Variants in MOB3B observed in about 807,000 individuals in gnomAD.
MOB3B encodes MOB kinase activator-like 2B.
A neutral mutation model predicts 18.7 loss-of-function variants in MOB3B; 7 were observed. The ratio of observed to expected loss-of-function variants is 0.37; its 90% CI spans 0.21 to 0.70. The LOEUF (loss-of-function observed/expected upper bound fraction) is 0.70, where lower values mean the gene tolerates loss of function less well. MOB3B is among the 30% of genes least tolerant of loss of function. The probability of loss-of-function intolerance (pLI) is 0.52; values close to 1 mark genes in which losing one functional copy is unlikely to be tolerated. For missense variants in MOB3B, 253 were observed against 281.3 expected, an observed-to-expected ratio of 0.90 and a Z score of 0.72; for synonymous variants, 111 against 99.9, an observed-to-expected ratio of 1.11 and a Z score of -0.66.
At chr9:27,413,140 G>A (rs1157159196) in intron 2 of MOB3B, among the ~76,000 whole-genome samples, 1 of 152,210 alleles carries the variant, frequency 6.6e-6, no homozygotes, top group Non-Finnish European at 1.5e-5. Context: ...GGAGAAGAAG[G>A]AAGTTGAGGA....
chr9:27,492,101 A>C (rs1233695368), intron 1 of MOB3B, among the ~76,000 whole-genome samples: 1 of 152,172 alleles, frequency 6.6e-6, no homozygotes, highest in African/African-American at 2.4e-5. Flanking sequence ...ACATCTTAAG[A>C]GCAAATTGCA....
At chr9:27,355,008 A>C (rs1821165695) in intron 3 of MOB3B, among the ~76,000 whole-genome samples, 1 of 152,200 alleles carries the variant, frequency 6.6e-6, no homozygotes, top group Non-Finnish European at 1.5e-5. Context: ...CATGCTATGG[A>C]TGAGGAAAAT....
At chr9:27,519,446 G>A (rs560781443) in intron 1 of MOB3B, among the ~76,000 whole-genome samples, 1 of 152,244 alleles carries the variant, frequency 6.6e-6, no homozygotes, top group East Asian at 1.9e-4. Flanking sequence ...TTATAATCCT[G>A]TATTGCCAAT....
chr9:27,426,481 A>G (rs748914105), intron 2 of MOB3B, among the ~76,000 whole-genome samples: 2 of 152,210 alleles, frequency 1.3e-5, no homozygotes, highest in Non-Finnish European at 2.9e-5. Context: ...ACAGAGGTCC[A>G]GGCAGGTGAC....
chr9:27,498,157 G>C (rs1472074620), intron 1 of MOB3B, among the ~76,000 whole-genome samples: 2 of 152,264 alleles, frequency 1.3e-5, no homozygotes, highest in African/African-American at 4.8e-5. Flanking sequence ...GGTGCGTGTA[G>C]CCTCTATGGT....
intron 2 of MOB3B, among the ~76,000 whole-genome samples, chr9:27,409,241 C>G (rs1163483655): frequency 6.6e-6 from 1 of 152,336 alleles, no homozygotes; most frequent in East Asian, 1.9e-4. Context: ...GCCTAAAGCT[C>G]CTTCCCTTGT....
intron 2 of MOB3B, 48 bp downstream of exon 2, chr9:27,455,085 G>A: frequency 1.2e-6 from 2 of 1,606,154 alleles, no homozygotes; most frequent in Non-Finnish European, 1.7e-6. Context: ...TTTTCATAGT[G>A]AAGATTGTGC....
At chr9:27,378,744 A>C (rs1314593946) in intron 2 of MOB3B, 1 of 462,862 alleles carries the variant, frequency 2.2e-6, no homozygotes, top group South Asian at 1.6e-5. Context: ...ATGTGACCAA[A>C]GTGATAAAGG....
chr9:27,385,964 C>T lies in MOB3B; in HGVS notation c.419-26728G>A, dbSNP rs116690638. 2.6e-3 allele frequency among the ~76,000 whole-genome samples: 400 copies of T among 152,344 alleles called. 2 individuals carry two copies. The highest frequency in any genetic ancestry group is 8.9e-3 in the African/African-American group (371 of 41,574). On this transcript the variant is annotated intron_variant, in intron 2 of 3. Transcript: ENST00000262244. ...ATGAAGAAGATTCGCTGACACTTTG[C>T]CCTCAGACATGTCTAGGGAGATCTG...
At chr9:27,471,005 A>T (rs1308609136) in intron 1 of MOB3B, among the ~76,000 whole-genome samples, 4 of 151,610 alleles carry the variant, frequency 2.6e-5, no homozygotes, top group African/African-American at 9.7e-5. Context: ...ACCCCTTCTC[A>T]CCCTGAACCA....
At chr9:27,360,483 C>T (rs1341517245) in intron 2 of MOB3B, among the ~76,000 whole-genome samples, 4 of 152,294 alleles carry the variant, frequency 2.6e-5, no homozygotes, top group East Asian at 1.9e-4. Context: ...CCAGCCTTGG[C>T]GACAGAGTGA....
chr9:27,330,531 G>T lies in MOB3B; in HGVS notation c.*56C>A. ...AGCCAGGGTGGTCCACCTCCTGCCC[G>T]CTCAGGGCACCAGGAGGAAACAGCT... is the stretch of plus-strand genomic sequence containing the variant. On this transcript the variant is annotated 3_prime_UTR_variant, in exon 4 of 4. Coordinates refer to ENST00000262244, the MANE Select transcript of MOB3B (RefSeq NM_024761.5). 3.1e-6 allele frequency: 5 copies of T among 1,611,704 alleles called. No individual in the cohort carries two copies. Among genetic ancestry groups the T allele is most frequent in the Non-Finnish European group, 4.2e-6 (5 of 1,178,728 alleles).
In MOB3B at chr9:27,335,831, C is replaced by T. The variant is rs114969474; in HGVS notation, c.622-5215G>A. On this transcript the variant is annotated intron_variant, in intron 3 of 3. Coordinates refer to ENST00000262244, the MANE Select transcript of MOB3B (RefSeq NM_024761.5). ...CAGATTCCCTCAGTGCCCATGACACCTTTCACACTGTTGTGCGACCGTTTA... is the reference window on the plus strand; with the variant it reads ...CAGATTCCCTCAGTGCCCATGACACTTTTCACACTGTTGTGCGACCGTTTA... Among the ~76,000 whole-genome samples, 425 of 152,330 alleles carry T rather than the reference C, an allele frequency of 2.8e-3. 2 individuals carry two copies. The highest frequency in any genetic ancestry group is 9.8e-3 in the African/African-American group (406 of 41,566).
At chr9:27,453,560 C>T (rs1822825419) in intron 2 of MOB3B, among the ~76,000 whole-genome samples, 2 of 152,266 alleles carry the variant, frequency 1.3e-5, no homozygotes, top group East Asian at 1.9e-4. Flanking sequence ...TCCAGCCAGA[C>T]AGCCAGAAAC....
chr9:27,519,924 A>G (rs1299825897), intron 1 of MOB3B, among the ~76,000 whole-genome samples: 1 of 151,972 alleles, frequency 6.6e-6, no homozygotes, highest in Non-Finnish European at 1.5e-5. Context: ...AAATAGCTGC[A>G]CACAACCTTG....
intron 2 of MOB3B, among the ~76,000 whole-genome samples, chr9:27,442,391 T>C (rs924995999): frequency 6.6e-6 from 1 of 152,234 alleles, no homozygotes; most frequent in Non-Finnish European, 1.5e-5. Flanking sequence ...CATTATGTCA[T>C]ATATTTATTT....
chr9:27,496,526 G>A (rs1360289391), intron 1 of MOB3B, among the ~76,000 whole-genome samples: 5 of 152,176 alleles, frequency 3.3e-5, no homozygotes, highest in Non-Finnish European at 5.9e-5. Flanking sequence ...ACATGTAAAA[G>A]TTTAGTTCTA....
intron 1 of MOB3B, among the ~76,000 whole-genome samples, chr9:27,487,657 A>C (rs1819751466): frequency 6.6e-6 from 1 of 152,064 alleles, no homozygotes; most frequent in African/African-American, 2.4e-5. Context: ...GTAGCTTTCT[A>C]TTCTAAGCTG....
intron 1 of MOB3B, among the ~76,000 whole-genome samples, chr9:27,517,977 C>G (rs1820264769): frequency 6.6e-6 from 1 of 152,106 alleles, no homozygotes; most frequent in African/African-American, 2.4e-5. Flanking sequence ...CTTAGTCCAC[C>G]CCCTTGCTCT....
Sources: gnomAD v4.1 joint callset for allele counts (sites outside exome capture counted in the v4.1 genomes callset) on GRCh38, gnomAD v4.1.1 for gene constraint, MANE v1.5 for transcripts, NCBI Gene and HGNC (gene_info 2026-07-23, HGNC 2026-07-21) for gene names.